SEMA5A: variants seen among roughly 807,000 people sequenced by gnomAD.
SEMA5A encodes semaphorin-5A.
In SEMA5A, 55 loss-of-function variants were observed where a neutral mutation model predicts 135.5. The ratio of observed to expected loss-of-function variants is 0.41; its 90% confidence interval spans 0.33 to 0.51. The LOEUF (loss-of-function observed/expected upper bound fraction) is 0.51. Among genes scored for constraint, SEMA5A ranks in the 20% least tolerant of loss-of-function variants. The pLI is 0.37. For synonymous variants in SEMA5A, 580 were observed against 546.5 expected (o/e 1.06, Z -0.85); for missense variants, 1,290 against 1,419.9 (o/e 0.91, Z 1.47).
intron 1 of SEMA5A, among the ~76,000 whole-genome samples, chr5:9,533,601 T>C (rs1453686480): frequency 6.6e-6 from 1 of 152,174 alleles, no homozygotes; most frequent in Non-Finnish European, 1.5e-5. Context: ...GTGAATCCAA[T>C]TAATCATGTG....
intron 7 of SEMA5A, among the ~76,000 whole-genome samples, chr5:9,226,640 A>G (rs1298015725): frequency 6.6e-6 from 1 of 152,220 alleles, no homozygotes; most frequent in Non-Finnish European, 1.5e-5. Flanking sequence ...TTAGAAACAT[A>G]TTTAAGTTTA....
chr5:9,161,109 G>C (rs1743228092), intron 11 of SEMA5A, among the ~76,000 whole-genome samples: 1 of 145,774 alleles, frequency 6.9e-6, no homozygotes, highest in Non-Finnish European at 1.5e-5. Context: ...ACTGGAAAGA[G>C]AAATGTGTTT....
intron 16 of SEMA5A, among the ~76,000 whole-genome samples, chr5:9,084,761 T>C (rs968986588): frequency 6.6e-6 from 1 of 152,188 alleles, no homozygotes; most frequent in African/African-American, 2.4e-5. Flanking sequence ...GCTGAAAAGA[T>C]ACCCCAAAAT....
At chr5:9,188,929 C>CTTCCTCCTCTCCAG (rs1368196010) in intron 11 of SEMA5A, among the ~76,000 whole-genome samples, 1 of 152,190 alleles carries the variant, frequency 6.6e-6, no homozygotes, top group Non-Finnish European at 1.5e-5. Flanking sequence ...GGCCAGTGCT[C>CTTCCTCCTCTCCAG]TTCCTCCTCT....
chr5:9,051,540 C>T (rs1052118878), intron 20 of SEMA5A, among the ~76,000 whole-genome samples: 66 of 152,208 alleles, frequency 4.3e-4, no homozygotes, highest in African/African-American at 1.5e-3. Flanking sequence ...ACTGCCTAAA[C>T]ATTTAACCTA....
chr5:9,195,067 CA>C (rs1164233781), intron 10 of SEMA5A, among the ~76,000 whole-genome samples: 1 of 152,168 alleles, frequency 6.6e-6, no homozygotes, highest in Non-Finnish European at 1.5e-5. Context: ...TTTTATTATA[CA>C]AAGGACTTTC....
At chr5:9,384,557 T>C (rs1194998231) in intron 2 of SEMA5A, among the ~76,000 whole-genome samples, 1 of 125,724 alleles carries the variant, frequency 8.0e-6, no homozygotes, top group Admixed American at 8.6e-5. Flanking sequence ...GATAGATAGA[T>C]AGATAGATAG....
chr5:9,506,153 C>T (rs1351678885), intron 1 of SEMA5A, among the ~76,000 whole-genome samples: 1 of 152,086 alleles, frequency 6.6e-6, no homozygotes, highest in Non-Finnish European at 1.5e-5. Flanking sequence ...TAGACAAAGG[C>T]CAATTTAGTT....
intron 6 of SEMA5A, among the ~76,000 whole-genome samples, chr5:9,234,274 T>C (rs1747789297): frequency 6.6e-6 from 1 of 152,156 alleles, no homozygotes; most frequent in African/African-American, 2.4e-5. Context: ...GTTGCCCCTG[T>C]TCATAGGGGC....
At chr5:9,146,797 A>G (rs1438337786) in intron 12 of SEMA5A, among the ~76,000 whole-genome samples, 3 of 152,192 alleles carry the variant, frequency 2.0e-5, no homozygotes, top group African/African-American at 4.8e-5. Context: ...TAAATATAAT[A>G]TAAAGGAATT....
At chr5:9,359,886 C>T (rs915670305) in intron 3 of SEMA5A, among the ~76,000 whole-genome samples, 9 of 152,282 alleles carry the variant, frequency 5.9e-5, no homozygotes, top group African/African-American at 2.2e-4. Flanking sequence ...ACCTAGAATT[C>T]AGAACTGCAA....
chr5:9,199,964 A>G (rs1806113), intron 9 of SEMA5A, among the ~76,000 whole-genome samples: 3,185 of 152,334 alleles, frequency 0.021, 58 homozygotes, highest in Non-Finnish European at 0.036. Flanking sequence ...ACGAATGTAC[A>G]GAGGCAAAGC....
intron 2 of SEMA5A, among the ~76,000 whole-genome samples, chr5:9,415,091 T>A (rs1487371761): frequency 6.6e-6 from 1 of 152,226 alleles, no homozygotes; most frequent in Non-Finnish European, 1.5e-5. Context: ...GAATGGATAT[T>A]GAAGCATACA....
intron 5 of SEMA5A, among the ~76,000 whole-genome samples, chr5:9,286,841 T>C (rs911911962): frequency 6.6e-6 from 1 of 152,166 alleles, no homozygotes; most frequent in Non-Finnish European, 1.5e-5. Flanking sequence ...TAAGAAACAC[T>C]GAGTGATAAG....
chr5:9,279,499 G>C (rs756646833), intron 5 of SEMA5A, among the ~76,000 whole-genome samples: 1 of 152,110 alleles, frequency 6.6e-6, no homozygotes, highest in Non-Finnish European at 1.5e-5. Context: ...GGGAAGCCCT[G>C]ATTGTTTTGG....
chr5:9,224,257 A>G (rs1747167429), intron 8 of SEMA5A, among the ~76,000 whole-genome samples: 1 of 152,218 alleles, frequency 6.6e-6, no homozygotes, highest in Non-Finnish European at 1.5e-5. Context: ...TTACCTATAG[A>G]CAAACACATT....
intron 11 of SEMA5A, among the ~76,000 whole-genome samples, chr5:9,188,246 T>C (rs1744912352): frequency 2.6e-5 from 4 of 152,158 alleles, no homozygotes; most frequent in Non-Finnish European, 5.9e-5. Context: ...CACCAGGAAA[T>C]GAGTCATCAG....
At chr5:9,527,268 G>C (rs145005316) in intron 1 of SEMA5A, among the ~76,000 whole-genome samples, 31 of 152,232 alleles carry the variant, frequency 2.0e-4, no homozygotes, top group African/African-American at 7.2e-4. Context: ...TGGCCCCCAA[G>C]GGAAAAAGCC....
rs1561178032 is a variant in SEMA5A, at chr5:9,353,386, A to AGGAAAGGAAAGGAAAGGAAG, written c.125-15575_125-15574insCTTCCTTTCCTTTCCTTTCC. On this transcript the variant is annotated intron_variant, in intron 3 of 22. Coordinates refer to ENST00000382496, the MANE Select transcript of SEMA5A (RefSeq NM_003966.3). ...AGGAAAGGAAAGGAAAGGAAAGGAA[A>AGGAAAGGAAAGGAAAGGAAG]GGAAAGGAAGGGAAAGAAAGGAAGG... 5.4e-3 allele frequency among the ~76,000 whole-genome samples: 775 copies of AGGAAAGGAAAGGAAAGGAAG among 142,238 alleles called. 14 individuals are homozygous for AGGAAAGGAAAGGAAAGGAAG. Among genetic ancestry groups the AGGAAAGGAAAGGAAAGGAAG allele is most frequent in the African/African-American group, 0.02 (735 of 35,976 alleles). 93.3% of individuals were successfully genotyped at this position (142,238 alleles called of 152,430 possible).
Sources: allele counts gnomAD v4.1 joint callset (sites outside exome capture counted in the v4.1 genomes callset), GRCh38; gene constraint gnomAD v4.1.1; transcripts MANE v1.5; gene names NCBI Gene and HGNC (gene_info 2026-07-23, HGNC 2026-07-21).